Variants in OTUD3 observed in about 807,000 individuals in gnomAD.
OTUD3 encodes the protein OTU domain-containing protein 3.
A neutral mutation model predicts 46.2 loss-of-function variants in OTUD3; 24 were observed. The observed-to-expected ratio is 0.52, with a 90% confidence interval of 0.38 to 0.73. The LOEUF is 0.73. OTUD3 is among the 30% of genes least tolerant of loss of function. The pLI, the probability that OTUD3 is intolerant of heterozygous loss-of-function variation, is 0.00. For synonymous variants in OTUD3, 189 were observed against 195.4 expected (o/e 0.97, Z 0.27); for missense variants, 455 against 523.3 (o/e 0.87, Z 1.27).
chr1:19,912,327 G>A lies in OTUD3; in HGVS notation c.*4581G>A, dbSNP rs890477916. On this transcript the variant is annotated 3_prime_UTR_variant, in exon 8 of 8. Coordinates refer to ENST00000375120, the MANE Select transcript of OTUD3 (RefSeq NM_015207.2). ...GTTTGATCCCTGGCAGGTCCCTCGA[G>A]CAGTACTGGTAAGAGGCTTCACACA... 8.5e-5 allele frequency: 13 copies of A among 152,358 alleles called. No individual in the cohort carries two copies. The highest frequency in any genetic ancestry group is 2.4e-4 in the African/African-American group (10 of 41,438). 9.4% of individuals were successfully genotyped at this position (152,358 alleles called of 1,614,324 possible).
Position 19,909,500 on chromosome 1 carries a change from C to T in OTUD3, c.*1754C>T, listed in dbSNP as rs1480071666. The T allele has an allele frequency of 6.6e-6, 1 of 152,366 alleles. No homozygotes were observed. The highest frequency in any genetic ancestry group is 6.5e-5 in the Admixed American group (1 of 15,282). 9.4% of individuals were successfully genotyped at this position (152,366 alleles called of 1,614,324 possible). On this transcript the variant is annotated 3_prime_UTR_variant, in exon 8 of 8. Transcript: ENST00000375120. ...CGAATGAAAGATCTCTGTTGCCTTA[C>T]TCTAAGGAAGTGGGATCGAGTGCGT...
Position 19,904,896 on chromosome 1 carries a change from TA to T in OTUD3, c.746del (p.Asn249IlefsTer2). On this transcript the variant is annotated frameshift_variant, in exon 6 of 8. Transcript: ENST00000375120. LOFTEE classifies it high-confidence loss of function. ...TTTGTTTGTTTCTTGGATAGGATTTTAATTTAATAGTCCAGAACCTGGAAGC... is the reference window on the plus strand; with the variant it reads ...TTTGTTTGTTTCTTGGATAGGATTTTATTTAATAGTCCAGAACCTGGAAGC... ...VCNATGCSDF[N>X]LIVQNLEAEN... 6.6e-7 allele frequency: 1 copy of T among 1,512,876 alleles called. No individual in the cohort carries two copies. Among genetic ancestry groups the T allele is most frequent in the Non-Finnish European group, 9.1e-7 (1 of 1,098,638 alleles). The allele number at this position is 1,512,876 out of a possible 1,614,324, so 93.7% of individuals were successfully genotyped here.
intron 5 of OTUD3, 66 bp downstream of exon 5, chr1:19,904,464 G>A (rs889391837): frequency 6.2e-6 from 9 of 1,460,112 alleles, no homozygotes; most frequent in Admixed American, 4.1e-5. Context: ...TTACTTCTTA[G>A]TTTCGTAGCA....
chr1:19,890,263 G>A (rs1471384355), intron 1 of OTUD3, 122 bp from the exon 2 acceptor site: 2 of 928,458 alleles, frequency 2.2e-6, no homozygotes, highest in East Asian at 4.9e-5. Flanking sequence ...GACTATTAGA[G>A]TTGAGTCTTT....
chr1:19,890,964 A>G (rs2045437782), intron 2 of OTUD3, among the ~76,000 whole-genome samples: 2 of 152,194 alleles, frequency 1.3e-5, no homozygotes, highest in Admixed American at 1.3e-4. Flanking sequence ...TAGAAGGGAG[A>G]TAATAATAGC....
At chr1:19,884,340 G>A (rs889494450) in intron 1 of OTUD3, among the ~76,000 whole-genome samples, 1 of 152,140 alleles carries the variant, frequency 6.6e-6, no homozygotes, top group African/African-American at 2.4e-5. Context: ...GCTTTCATAA[G>A]GTTATGGGAA....
At chr1:19,906,252 A>G (rs959553760) in intron 6 of OTUD3, among the ~76,000 whole-genome samples, 180 bp from the exon 7 acceptor site, 1 of 152,176 alleles carries the variant, frequency 6.6e-6, no homozygotes, top group African/African-American at 2.4e-5. Flanking sequence ...TTATCTTCCA[A>G]CTTTTACCAA....
chr1:19,909,417 T>A lies in OTUD3; in HGVS notation c.*1671T>A, dbSNP rs963491804. 2.0e-5 allele frequency: 3 copies of A among 152,392 alleles called. No individual in the cohort carries two copies. The highest frequency in any genetic ancestry group is 4.4e-5 in the Non-Finnish European group (3 of 68,048). The allele number at this position is 152,392 out of a possible 1,614,324, so 9.4% of individuals were successfully genotyped here. A position where few individuals can be genotyped will look rare whatever the true frequency, so the allele number is the denominator to read the frequency against. On this transcript the variant is annotated 3_prime_UTR_variant, in exon 8 of 8. Coordinates refer to ENST00000375120, the MANE Select transcript of OTUD3 (RefSeq NM_015207.2). ...ATTAAAAAAAGTACACAGCATTTTT[T>A]TTCTGTGCACGTCGCAGAGTCCTGA... is the stretch of plus-strand genomic sequence containing the variant.
In OTUD3 at chr1:19,897,658, C is replaced by G. The variant is rs773217184; in HGVS notation, c.602C>G (p.Thr201Arg). The G allele has an allele frequency of 6.2e-7, 1 of 1,612,346 alleles. No homozygotes were observed. Among genetic ancestry groups the G allele is most frequent in the South Asian group, 1.1e-5 (1 of 90,882 alleles). Residue 201 changes from threonine to arginine, a missense_variant, in exon 4 of 8, where the codon ACG (threonine) becomes AGG (arginine). Physicochemically the swap from Thr to Arg is moderately conservative, Grantham distance 71. Coordinates refer to ENST00000375120, the MANE Select transcript of OTUD3 (RefSeq NM_015207.2). ...DNSEAPAHLQ[T>R]DFQMLHQDES... ...TCAGAGGCACCTGCACATCTCCAGA[C>G]GGATGTGAGTGAGGCCTCGGATTTC... is the stretch of plus-strand genomic sequence containing the variant.
intron 4 of OTUD3, among the ~76,000 whole-genome samples, chr1:19,902,550 T>C (rs1022315994): frequency 6.6e-6 from 1 of 152,236 alleles, no homozygotes; most frequent in African/African-American, 2.4e-5. Flanking sequence ...GCTAATGACA[T>C]TGAACATCTT....
intron 1 of OTUD3, among the ~76,000 whole-genome samples, chr1:19,886,872 T>G (rs1046688773): frequency 6.6e-6 from 1 of 152,136 alleles, no homozygotes; most frequent in East Asian, 1.9e-4. Flanking sequence ...GGAACACACT[T>G]TGAGAATCAG....
At chr1:19,907,534 G>C (rs368199795) in intron 7 of OTUD3, 36 bp from the exon 8 acceptor site, 1 of 1,603,016 alleles carries the variant, frequency 6.2e-7, no homozygotes, top group African/African-American at 1.3e-5. Flanking sequence ...TGAGTCCCCC[G>C]TGCTTCCTAC....
At chr1:19,894,550 G>A in intron 3 of OTUD3, 70 bp downstream of exon 3, 1 of 931,700 alleles carries the variant, frequency 1.1e-6, no homozygotes, top group South Asian at 1.6e-5. Context: ...ATCCGAAGAT[G>A]AGGGGCTTGA....
chr1:19,907,545 T>G (rs1172630146), intron 7 of OTUD3, 25 bp from the exon 8 acceptor site: 2 of 1,611,472 alleles, frequency 1.2e-6, no homozygotes, highest in Non-Finnish European at 1.7e-6. Context: ...TGCTTCCTAC[T>G]CACCACCATG....
chr1:19,905,884 T>A (rs535628226), intron 6 of OTUD3, among the ~76,000 whole-genome samples: 1 of 152,374 alleles, frequency 6.6e-6, no homozygotes, highest in South Asian at 2.1e-4. Context: ...GGTATTTTAT[T>A]ATCCACTATG....
intron 1 of OTUD3, among the ~76,000 whole-genome samples, chr1:19,887,660 T>C (rs2045386320): frequency 1.3e-5 from 2 of 152,236 alleles, no homozygotes; most frequent in Admixed American, 1.3e-4. Context: ...TTTCGTTTTA[T>C]TATACAGGTA....
chr1:19,906,739 T>G lies in OTUD3; in HGVS notation c.1020+123T>G, dbSNP rs77030200. 6.2e-3 allele frequency: 5,472 copies of G among 880,396 alleles called. 196 individuals are homozygous for G. The African/African-American group carries it at 0.081, about 13-fold the overall frequency. The allele number at this position is 880,396 out of a possible 1,614,324, so 54.5% of individuals were successfully genotyped here. A position where few individuals can be genotyped will look rare whatever the true frequency, so the allele number is the denominator to read the frequency against. On this transcript the variant is annotated intron_variant, in intron 7 of 7. Transcript: ENST00000375120. Reference sequence around the variant, plus strand: ...ATTTATAAAAGTAGTGTGGAAAATCTGGGGAATGCATAAAGCTACATCAAG... The same window carrying G: ...ATTTATAAAAGTAGTGTGGAAAATCGGGGGAATGCATAAAGCTACATCAAG...
rs1374151992 is a variant in OTUD3, at chr1:19,907,635, C to T, written c.1086C>T (p.His362=). ...AGAAGAAGCGGCAGGAGGAGAGGCA[C>T]CGCCACAAAGCCCTGGAGAGCAGAG... ...MEKKKRQEER[H]RHKALESRGS... Residue 362 remains histidine, a synonymous_variant, in exon 8 of 8, where the codon CAC becomes CAT. Transcript: ENST00000375120. 1.9e-6 allele frequency: 3 copies of T among 1,614,106 alleles called. No individual in the cohort carries two copies. Among genetic ancestry groups the T allele is most frequent in the Non-Finnish European group, 2.5e-6 (3 of 1,180,014 alleles).
chr1:19,894,950 C>T (rs1292014145), intron 3 of OTUD3, among the ~76,000 whole-genome samples: 4 of 151,490 alleles, frequency 2.6e-5, no homozygotes, highest in Non-Finnish European at 5.9e-5. Context: ...TGAAAAAGCT[C>T]GTAAAGAGAA....
Sources: allele counts gnomAD v4.1 joint callset (sites outside exome capture counted in the v4.1 genomes callset), GRCh38; gene constraint gnomAD v4.1.1; transcripts MANE v1.5; gene names NCBI Gene and HGNC (gene_info 2026-07-23, HGNC 2026-07-21).